NSL1: variants seen among roughly 807,000 people sequenced by gnomAD.
NSL1 encodes the protein kinetochore-associated protein NSL1 homolog.
A neutral mutation model predicts 25.4 loss-of-function variants in NSL1; 11 were observed. That is an observed-to-expected ratio of 0.43 (90% CI 0.27 to 0.72). The LOEUF is 0.72. Among genes scored for constraint, NSL1 ranks in the 30% least tolerant of loss-of-function variants. The pLI is 0.19. For missense variants in NSL1, 330 were observed against 342.7 expected, an observed-to-expected ratio of 0.96 and a Z score of 0.29; for synonymous variants, 118 against 120.6, an observed-to-expected ratio of 0.98 and a Z score of 0.14.
chr1:212,766,258 G>T (rs541534326), intron 4 of NSL1: 15 of 640,736 alleles, frequency 2.3e-5, no homozygotes, highest in Non-Finnish European at 4.0e-5. Flanking sequence ...AAAGTTGAAA[G>T]CATTCCCGTT....
intron 4 of NSL1, among the ~76,000 whole-genome samples, chr1:212,778,123 A>C (rs1038702773): frequency 6.6e-6 from 1 of 152,198 alleles, no homozygotes; most frequent in Non-Finnish European, 1.5e-5. Flanking sequence ...GAAGGAATCA[A>C]GGTTAACTTC....
rs3086471 is a variant in NSL1 at position 212,764,843 on chromosome 1, C to CAAAAAAAAAAAAAAAAAA, written c.499+17511_499+17528dup. 1.4e-3 allele frequency among the ~76,000 whole-genome samples: 54 copies of CAAAAAAAAAAAAAAAAAA among 38,870 alleles called. 2 individuals are homozygous for CAAAAAAAAAAAAAAAAAA. Among genetic ancestry groups the CAAAAAAAAAAAAAAAAAA allele is most frequent in the African/African-American group, 1.6e-3 (13 of 8,176 alleles). 25.5% of individuals were successfully genotyped at this position (38,870 alleles called of 152,430 possible). A position where few individuals can be genotyped will look rare whatever the true frequency, so the allele number is the denominator to read the frequency against. ...CCTGGGTGACACAGCAAGACTGTCT[C>CAAAAAAAAAAAAAAAAAA]AAAAAAAAAAAAAAAAAAAAAAAAA... On this transcript the variant is annotated intron_variant, in intron 4 of 5. Transcript: ENST00000366977.
chr1:212,730,864 T>G lies in NSL1; in HGVS notation c.*7544A>C. 1 of 985,364 alleles carries G rather than the reference T, an allele frequency of 1.0e-6. No individual in the cohort carries two copies. Among genetic ancestry groups the G allele is most frequent in the Non-Finnish European group, 1.2e-6 (1 of 829,900 alleles). 61.0% of individuals were successfully genotyped at this position (985,364 alleles called of 1,614,324 possible). ...CTCACCTTCTAAGTTCAATTAATAA[T>G]GAATATAAATGCCACAAGCCATTAA... On this transcript the variant is annotated 3_prime_UTR_variant, in exon 6 of 6. Transcript: ENST00000366977.
intron 4 of NSL1, among the ~76,000 whole-genome samples, chr1:212,761,994 A>T: frequency 7.6e-6 from 1 of 131,506 alleles, no homozygotes; most frequent in Non-Finnish European, 1.7e-5. Flanking sequence ...AAAAAAAAAA[A>T]TCATGTTTTA....
intron 4 of NSL1, among the ~76,000 whole-genome samples, chr1:212,765,189 T>A (rs1659748258): frequency 1.3e-5 from 2 of 152,046 alleles, no homozygotes; most frequent in African/African-American, 4.8e-5. Flanking sequence ...CCTACTAAAA[T>A]TATTCCAAAA....
At chr1:212,757,179 T>C (rs1379940298) in intron 4 of NSL1, among the ~76,000 whole-genome samples, 2 of 152,098 alleles carry the variant, frequency 1.3e-5, no homozygotes, top group African/African-American at 4.8e-5. Context: ...GCAAGAATAT[T>C]AGTGTTAGTG....
At chr1:212,751,996 T>G (rs1014115826) in intron 4 of NSL1, among the ~76,000 whole-genome samples, 5 of 152,188 alleles carry the variant, frequency 3.3e-5, no homozygotes, top group Admixed American at 1.3e-4. Flanking sequence ...TGGGATGGGC[T>G]TTCTCGAGGA....
At chr1:212,761,971 T>TAAAA (rs34216305) in intron 4 of NSL1, among the ~76,000 whole-genome samples, 2 of 105,692 alleles carry the variant, frequency 1.9e-5, no homozygotes, top group African/African-American at 3.6e-5. Flanking sequence ...GCTGATGAGC[T>TAAAA]AAAAAAAAAA....
rs901141588 is a variant in NSL1 at position 212,760,001 on chromosome 1, G to C, written c.500-20400C>G. Among the ~76,000 whole-genome samples the C allele has an allele frequency of 2.6e-5, 4 of 151,982 alleles. No homozygotes were observed. The highest frequency in any genetic ancestry group is 6.5e-5 in the Admixed American group (1 of 15,270). On this transcript the variant is annotated intron_variant, in intron 4 of 5. Transcript: ENST00000366977. The surrounding 1 kb of genome is among the most constrained non-coding windows in gnomAD (Gnocchi z 4.3). The stretch of plus-strand genomic sequence containing the variant: ...CACCCAGATGCTGTCCTGGGATCCT[G>C]ATAATCACCCTGCCCTATCTGTCAT...
chr1:212,742,017 A>G (rs1010564594), intron 4 of NSL1, among the ~76,000 whole-genome samples: 1 of 152,122 alleles, frequency 6.6e-6, no homozygotes, highest in Admixed American at 6.5e-5. Flanking sequence ...TGTAGAATAA[A>G]TTTCTCAACC....
chr1:212,764,015 G>A (rs1160631804), intron 4 of NSL1: 1 of 440,168 alleles, frequency 2.3e-6, no homozygotes, highest in Admixed American at 2.5e-5. Flanking sequence ...TCCAAGATAG[G>A]TGATATGATG....
At chr1:212,766,147 A>AC (rs1558053575) in intron 4 of NSL1, 8 of 489,316 alleles carry the variant, frequency 1.6e-5, no homozygotes, top group Non-Finnish European at 1.5e-5. Flanking sequence ...AAAAAAAAAA[A>AC]ACAAAAAAAC....
Position 212,737,918 on chromosome 1 carries a change from G to C in NSL1, c.*490C>G. The C allele has an allele frequency of 1.0e-6, 1 of 985,334 alleles. No individual in the cohort carries two copies. 61.0% of individuals were successfully genotyped at this position (985,334 alleles called of 1,614,324 possible). A position where few individuals can be genotyped will look rare whatever the true frequency, so the allele number is the denominator to read the frequency against. ...AGTATTATCATCAGCACATTAATTT[G>C]ATAAATCAAACTACATCTTTAAAAA... On this transcript the variant is annotated 3_prime_UTR_variant, in exon 6 of 6. Coordinates refer to ENST00000366977, the MANE Select transcript of NSL1 (RefSeq NM_015471.4).
At position 212,737,735 on chromosome 1, in the gene NSL1, A is replaced by C. The variant is rs1338002847; in HGVS notation, c.*673T>G. On this transcript the variant is annotated 3_prime_UTR_variant, in exon 6 of 6. Transcript: ENST00000366977. ...AATTATGTTAATGGTCTATAGAAAA[A>C]AGTGAGTGTGGGCAGGAAACATTGG... 7 of 983,432 alleles carry C rather than the reference A, an allele frequency of 7.1e-6. No homozygotes were observed. The Admixed American group carries it at 4.3e-4, about 60-fold the overall frequency. 60.9% of individuals were successfully genotyped at this position (983,432 alleles called of 1,614,324 possible). A position where few individuals can be genotyped will look rare whatever the true frequency, so the allele number is the denominator to read the frequency against.
At position 212,727,422 on chromosome 1, in the gene NSL1, T is replaced by C. The variant is rs1657834118; in HGVS notation, c.*10986A>G. ...GTTAATGTTTCCAAAATATACTCCT[T>C]GTAACAGACATTACCTAAATTTGGA... On this transcript the variant is annotated 3_prime_UTR_variant, in exon 6 of 6. Transcript: ENST00000366977. 2.3e-5 allele frequency: 23 copies of C among 985,388 alleles called. No homozygotes were observed. Among genetic ancestry groups the C allele is most frequent in the Non-Finnish European group, 2.7e-5 (22 of 829,902 alleles). The allele number at this position is 985,388 out of a possible 1,614,324, so 61.0% of individuals were successfully genotyped here. A position where few individuals can be genotyped will look rare whatever the true frequency, so the allele number is the denominator to read the frequency against.
chr1:212,782,076 T>C, intron 4 of NSL1: 1 of 624,644 alleles, frequency 1.6e-6, no homozygotes, highest in Non-Finnish European at 3.0e-6. Context: ...GATAGTACAA[T>C]GACAGAGATA....
At chr1:212,765,863 G>A (rs183535469) in intron 4 of NSL1, among the ~76,000 whole-genome samples, 29 of 151,256 alleles carry the variant, frequency 1.9e-4, no homozygotes, top group African/African-American at 6.5e-4. Context: ...CGGGCTGGGC[G>A]CAGTGGCTCA....
chr1:212,729,812 A>C lies in NSL1; in HGVS notation c.*8596T>G, dbSNP rs1657937393. On this transcript the variant is annotated 3_prime_UTR_variant, in exon 6 of 6. Transcript: ENST00000366977. ...AGAACAGCTAGAACATGGAAAAAGC[A>C]ATGTAATCAGCTGGTGCTGCAAAGG... is the stretch of plus-strand genomic sequence containing the variant. 1.0e-6 allele frequency: 1 copy of C among 985,264 alleles called. No homozygotes were observed. The highest frequency in any genetic ancestry group is 1.2e-6 in the Non-Finnish European group (1 of 829,936). The allele number at this position is 985,264 out of a possible 1,614,324, so 61.0% of individuals were successfully genotyped here. A position where few individuals can be genotyped will look rare whatever the true frequency, so the allele number is the denominator to read the frequency against.
At chr1:212,746,983 A>C (rs1176164768) in intron 4 of NSL1, among the ~76,000 whole-genome samples, 4 of 152,180 alleles carry the variant, frequency 2.6e-5, no homozygotes, top group African/African-American at 9.7e-5. Flanking sequence ...CATCTCTACT[A>C]AAAACACAAA....
Sources: gnomAD v4.1 joint callset for allele counts (sites outside exome capture counted in the v4.1 genomes callset) on GRCh38, gnomAD v4.1.1 for gene constraint, Gnocchi (gnomAD v3.1) non-coding constraint, MANE v1.5 for transcripts, NCBI Gene and HGNC (gene_info 2026-07-23, HGNC 2026-07-21) for gene names.